KCNJ6: variants seen among roughly 807,000 people sequenced by gnomAD.
KCNJ6 encodes G protein-activated inward rectifier potassium channel 2.
In KCNJ6, 9 loss-of-function variants were observed where a neutral mutation model predicts 34.2. The observed-to-expected ratio is 0.26, with a 90% confidence interval of 0.16 to 0.46. The LOEUF is 0.46. KCNJ6 is among the 20% of genes least tolerant of loss of function. The pLI, the probability that KCNJ6 is intolerant of heterozygous loss-of-function variation, is 1.00. For synonymous variants in KCNJ6, 196 were observed against 207.1 expected (o/e 0.95, Z 0.46); for missense variants, 236 against 531.3 (o/e 0.44, Z 5.46).
At chr21:37,895,286 CT>C (rs1296603565) in intron 1 of KCNJ6, among the ~76,000 whole-genome samples, 1 of 152,236 alleles carries the variant, frequency 6.6e-6, no homozygotes, top group African/African-American at 2.4e-5. Context: ...ATCTTGCCAA[CT>C]TTAGCTGCCT....
intron 3 of KCNJ6, among the ~76,000 whole-genome samples, chr21:37,658,420 C>A (rs1382684239): frequency 2.6e-5 from 4 of 152,214 alleles, no homozygotes; most frequent in African/African-American, 4.8e-5. Flanking sequence ...ATCTGCAGTG[C>A]AGAACATCTG....
intron 2 of KCNJ6, among the ~76,000 whole-genome samples, chr21:37,729,886 TGCA>T: frequency 6.6e-6 from 1 of 152,094 alleles, no homozygotes; most frequent in Admixed American, 6.5e-5. Flanking sequence ...GCAGCAGTCC[TGCA>T]ACCTCAGATG....
rs117383095 is a variant in KCNJ6, at chr21:37,779,560, T to A, written c.25+61098A>T. 5.3e-3 allele frequency among the ~76,000 whole-genome samples: 806 copies of A among 152,258 alleles called. 7 individuals are homozygous for A. Among genetic ancestry groups the A allele is most frequent in the South Asian group, 0.012 (59 of 4,820 alleles). ...CTCTGCTTTAGAAATTTAGTGCTCATTTGGTGAGAGAGTTACAGAGGCTGT... is the reference window on the plus strand; with the variant it reads ...CTCTGCTTTAGAAATTTAGTGCTCAATTGGTGAGAGAGTTACAGAGGCTGT... On this transcript the variant is annotated intron_variant, in intron 2 of 3. Coordinates refer to ENST00000609713, the MANE Select transcript of KCNJ6 (RefSeq NM_002240.5).
At chr21:37,772,390 CAGT>C (rs1276889685) in intron 2 of KCNJ6, among the ~76,000 whole-genome samples, 1 of 152,016 alleles carries the variant, frequency 6.6e-6, no homozygotes, top group Non-Finnish European at 1.5e-5. Flanking sequence ...GCATATTTAA[CAGT>C]AGAAATTTAA....
chr21:37,762,553 C>T (rs998210984), intron 2 of KCNJ6, among the ~76,000 whole-genome samples: 17 of 152,156 alleles, frequency 1.1e-4, no homozygotes, highest in African/African-American at 1.9e-4. Flanking sequence ...TTTCTTTTTT[C>T]GGCAGCCTGA....
rs1232620397 is a variant in KCNJ6, at chr21:37,664,895, A to G, written c.947-39411T>C. Among the ~76,000 whole-genome samples the G allele has an allele frequency of 2.1e-5, 3 of 145,694 alleles. No individual in the cohort carries two copies. In the East Asian group the frequency reaches 6.0e-4, roughly 29 times the overall value. ...CACTGCAAGCTCTGCCTCCCGGTTC[A>G]CACCATTCTCCTGCCTCAGCCTCCC... On this transcript the variant is annotated intron_variant, in intron 3 of 3. Coordinates refer to ENST00000609713, the MANE Select transcript of KCNJ6 (RefSeq NM_002240.5).
intron 1 of KCNJ6, among the ~76,000 whole-genome samples, chr21:37,888,925 G>A (rs1412893658): frequency 6.6e-6 from 1 of 152,186 alleles, no homozygotes; most frequent in East Asian, 1.9e-4. Flanking sequence ...ATAACCTGAG[G>A]CCATCAAGTT....
intron 3 of KCNJ6, among the ~76,000 whole-genome samples, chr21:37,630,146 G>GTGTGTGTA (rs2054327656): frequency 1.3e-5 from 2 of 150,940 alleles, no homozygotes; most frequent in Non-Finnish European, 2.9e-5. Context: ...GTGTGTGTGT[G>GTGTGTGTA]TGTGTGTGTG....
chr21:37,703,423 T>A (rs1433906297), intron 3 of KCNJ6, among the ~76,000 whole-genome samples: 1 of 152,170 alleles, frequency 6.6e-6, no homozygotes, highest in African/African-American at 2.4e-5. Context: ...ATTGCTTCTA[T>A]TTTCTCAACT....
At chr21:37,796,149 G>A (rs1450520518) in intron 2 of KCNJ6, among the ~76,000 whole-genome samples, 5 of 152,106 alleles carry the variant, frequency 3.3e-5, no homozygotes, top group African/African-American at 7.2e-5. Flanking sequence ...TGCATCCAGC[G>A]CTTTCTCCCT....
At chr21:37,812,981 G>C (rs1159033558) in intron 2 of KCNJ6, among the ~76,000 whole-genome samples, 1 of 152,108 alleles carries the variant, frequency 6.6e-6, no homozygotes, top group Non-Finnish European at 1.5e-5. Context: ...AATTGTCCTT[G>C]TTTGCAGATG....
chr21:37,785,288 T>TATAATTA (rs1345958793), intron 2 of KCNJ6, among the ~76,000 whole-genome samples: 1 of 152,216 alleles, frequency 6.6e-6, no homozygotes, highest in Admixed American at 6.5e-5. Flanking sequence ...CTTCCACAAG[T>TATAATTA]GAGTTCTGAG....
intron 2 of KCNJ6, among the ~76,000 whole-genome samples, chr21:37,758,985 G>A (rs954110826): frequency 3.3e-5 from 5 of 152,198 alleles, no homozygotes; most frequent in African/African-American, 1.2e-4. Flanking sequence ...ACATGGCTCA[G>A]CCCTGCTCAC....
chr21:37,748,000 A>C (rs1419033076), intron 2 of KCNJ6, among the ~76,000 whole-genome samples: 1 of 152,232 alleles, frequency 6.6e-6, no homozygotes, highest in Non-Finnish European at 1.5e-5. Flanking sequence ...TGATGGTCTC[A>C]TGGCTTTCCT....
chr21:37,816,505 T>C (rs983051446), intron 2 of KCNJ6, among the ~76,000 whole-genome samples: 1 of 152,254 alleles, frequency 6.6e-6, no homozygotes, highest in Non-Finnish European at 1.5e-5. Context: ...ATTATGTATT[T>C]TCTCTCCTCC....
chr21:37,824,194 T>C (rs1255556623), intron 2 of KCNJ6, among the ~76,000 whole-genome samples: 15 of 152,232 alleles, frequency 9.9e-5, no homozygotes, highest in Non-Finnish European at 1.5e-5. Flanking sequence ...AGTCAGCCTG[T>C]GTCAGGACAA....
chr21:37,720,958 CG>C lies in KCNJ6; in HGVS notation c.26-5828del, dbSNP rs1379027812. Among the ~76,000 whole-genome samples, 23 of 152,178 alleles carry C rather than the reference CG, an allele frequency of 1.5e-4. No homozygotes were observed. The East Asian group carries it at 4.3e-3, about 28-fold the overall frequency. On this transcript the variant is annotated intron_variant, in intron 2 of 3. Coordinates refer to ENST00000609713, the MANE Select transcript of KCNJ6 (RefSeq NM_002240.5). ...TCCTGACCTCATGATCCACCCGCCT[CG>C]GCCTCCCAAAGTGCTGGGATTACAG...
intron 2 of KCNJ6, among the ~76,000 whole-genome samples, chr21:37,768,395 T>A (rs1024306578): frequency 6.6e-5 from 10 of 152,172 alleles, no homozygotes; most frequent in Non-Finnish European, 1.0e-4. Flanking sequence ...GTTGCTGCAC[T>A]CACATCTCTA....
chr21:37,691,840 T>C (rs1448192495), intron 3 of KCNJ6, among the ~76,000 whole-genome samples: 2 of 152,152 alleles, frequency 1.3e-5, no homozygotes, highest in Non-Finnish European at 2.9e-5. Flanking sequence ...CTAAGTTAAA[T>C]AGTGACAGGG....
Sources: allele counts gnomAD v4.1 joint callset (sites outside exome capture counted in the v4.1 genomes callset), GRCh38; gene constraint gnomAD v4.1.1; transcripts MANE v1.5; gene names NCBI Gene and HGNC (gene_info 2026-07-23, HGNC 2026-07-21).